The following AGBL4 variants were observed in gnomAD, a reference collection of about 807,000 sequenced individuals.
AGBL4 encodes cytosolic carboxypeptidase 6.
AGBL4 carries 58 observed loss-of-function variants against 66.4 expected under a neutral mutation model. The observed-to-expected ratio is 0.87, with a 90% CI of 0.71 to 1.09. AGBL4 has a LOEUF of 1.09. Ranked by LOEUF, AGBL4 falls within the 50% of genes least tolerant of loss-of-function variation. AGBL4 has a pLI of 0.00. For missense variants in AGBL4, 579 were observed against 631.0 expected, an observed-to-expected ratio of 0.92 and a Z score of 0.88; for synonymous variants, 234 against 222.9, an observed-to-expected ratio of 1.05 and a Z score of -0.44.
At chr1:48,644,435 T>C in intron 8 of AGBL4, among the ~76,000 whole-genome samples, 1 of 152,196 alleles carries the variant, frequency 6.6e-6, no homozygotes, top group Non-Finnish European at 1.5e-5. Flanking sequence ...ATCTCTTCTC[T>C]GGACTGTGAA....
rs545223897 is a variant in AGBL4 at position 48,945,478 on chromosome 1, C to CT, written c.595-78249dup. ...ACACCTGGGGTAGACATGCAGACCC[C>CT]TTCATTAGACCTAAAGCATGCTATG... On this transcript the variant is annotated intron_variant, in intron 5 of 13. Coordinates refer to ENST00000371839, the MANE Select transcript of AGBL4 (RefSeq NM_032785.4). Among the ~76,000 whole-genome samples the CT allele has an allele frequency of 2.2e-4, 34 of 152,256 alleles. No homozygotes were observed. In the East Asian group the frequency reaches 4.1e-3, roughly 18 times the overall value.
chr1:49,844,667 A>T, intron 2 of AGBL4: 1 of 1,578,276 alleles, frequency 6.3e-7, no homozygotes, highest in Non-Finnish European at 8.6e-7. Context: ...ATTAAGGGAC[A>T]TTTCCAGTTT....
chr1:49,048,104 T>A (rs2147880453), intron 4 of AGBL4, among the ~76,000 whole-genome samples: 1 of 152,198 alleles, frequency 6.6e-6, no homozygotes, highest in South Asian at 2.1e-4. Context: ...CAGCCAAAGG[T>A]CTGTGATAGT....
chr1:48,941,175 A>G (rs1655939033), intron 5 of AGBL4, among the ~76,000 whole-genome samples: 1 of 152,196 alleles, frequency 6.6e-6, no homozygotes, highest in Non-Finnish European at 1.5e-5. Flanking sequence ...TGAATATCAG[A>G]TACTCTGGCA....
chr1:49,500,430 G>T (rs1249861463), intron 3 of AGBL4, among the ~76,000 whole-genome samples: 1 of 149,664 alleles, frequency 6.7e-6, no homozygotes. Flanking sequence ...TTTGCTTTTG[G>T]GTTTTTGTTC....
chr1:48,647,472 C>G (rs897210203), intron 8 of AGBL4: 1 of 273,126 alleles, frequency 3.7e-6, no homozygotes, highest in East Asian at 9.6e-5. Flanking sequence ...TCATTAAATA[C>G]CAGTTATTCT....
chr1:49,487,674 C>T (rs190891592), intron 3 of AGBL4, among the ~76,000 whole-genome samples: 4 of 152,070 alleles, frequency 2.6e-5, no homozygotes, highest in Admixed American at 2.6e-4. Flanking sequence ...TAAACCTCTT[C>T]CCTTTATAAA....
At chr1:48,715,431 G>C (rs1647033648) in intron 6 of AGBL4, among the ~76,000 whole-genome samples, 1 of 152,176 alleles carries the variant, frequency 6.6e-6, no homozygotes, top group African/African-American at 2.4e-5. Flanking sequence ...GCCAGGCCCT[G>C]TGCTATGCGT....
intron 5 of AGBL4, among the ~76,000 whole-genome samples, chr1:49,031,791 G>A (rs775892272): frequency 3.9e-5 from 6 of 152,168 alleles, no homozygotes; most frequent in African/African-American, 9.6e-5. Flanking sequence ...CAATCCTTAC[G>A]CATAGAGCAG....
At chr1:49,594,682 C>A (rs1373317778) in intron 3 of AGBL4, among the ~76,000 whole-genome samples, 2 of 152,196 alleles carry the variant, frequency 1.3e-5, no homozygotes, top group Non-Finnish European at 2.9e-5. Flanking sequence ...CATGTTCCTG[C>A]AAAGGACATG....
chr1:49,146,442 C>G (rs965565961), intron 4 of AGBL4, among the ~76,000 whole-genome samples: 1 of 151,950 alleles, frequency 6.6e-6, no homozygotes, highest in Non-Finnish European at 1.5e-5. Flanking sequence ...AAAAAGGTAT[C>G]TAGCATTGTG....
At chr1:50,001,431 G>A (rs1216994013) in intron 1 of AGBL4, among the ~76,000 whole-genome samples, 3 of 151,068 alleles carry the variant, frequency 2.0e-5, no homozygotes, top group African/African-American at 7.3e-5. Flanking sequence ...GTGTGTGTGT[G>A]TGTGTGTGTG....
intron 2 of AGBL4, among the ~76,000 whole-genome samples, chr1:49,827,010 A>G (rs1394218092): frequency 6.6e-6 from 1 of 152,188 alleles, no homozygotes; most frequent in African/African-American, 2.4e-5. Context: ...AGAGAGTATC[A>G]TAATTAACGT....
At chr1:49,906,310 A>G (rs976072125) in intron 1 of AGBL4, among the ~76,000 whole-genome samples, 5 of 152,138 alleles carry the variant, frequency 3.3e-5, no homozygotes, top group African/African-American at 1.2e-4. Flanking sequence ...AAAAATAGAC[A>G]TATCAGTAAA....
intron 1 of AGBL4, among the ~76,000 whole-genome samples, chr1:49,903,921 T>C (rs1650019057): frequency 6.6e-6 from 1 of 152,134 alleles, no homozygotes; most frequent in Non-Finnish European, 1.5e-5. Context: ...GTGTGCAATA[T>C]ACTTCTAGAA....
intron 2 of AGBL4, among the ~76,000 whole-genome samples, chr1:49,818,717 A>G (rs1645292470): frequency 6.6e-6 from 1 of 152,204 alleles, no homozygotes; most frequent in Non-Finnish European, 1.5e-5. Context: ...TGTGTGATAT[A>G]CATATAAATC....
At chr1:48,873,782 G>C (rs1648931544) in intron 5 of AGBL4, among the ~76,000 whole-genome samples, 1 of 152,036 alleles carries the variant, frequency 6.6e-6, no homozygotes, top group Admixed American at 6.6e-5. Context: ...CTCTATTTCT[G>C]TCTTGGGGAC....
chr1:49,632,717 T>C (rs2124364239), intron 3 of AGBL4, among the ~76,000 whole-genome samples: 1 of 152,292 alleles, frequency 6.6e-6, no homozygotes, highest in East Asian at 1.9e-4. Flanking sequence ...AAACACAGAA[T>C]TGCCTTTGTC....
rs1645635643 is a variant in AGBL4, at chr1:49,634,602, T to TCCAGCAAATG, written c.282+62710_282+62711insCATTTGCTGG. On this transcript the variant is annotated intron_variant, in intron 3 of 13. Coordinates refer to ENST00000371839, the MANE Select transcript of AGBL4 (RefSeq NM_032785.4). ...CCAGTAATGGGATTGCTGGGTCAAATGGTATTTCTGGTTCTAGATCCTTGA... is the reference window on the plus strand; with the variant it reads ...CCAGTAATGGGATTGCTGGGTCAAATCCAGCAAATGGGTATTTCTGGTTCTAGATCCTTGA... Among the ~76,000 whole-genome samples, 3 of 152,268 alleles carry TCCAGCAAATG rather than the reference T, an allele frequency of 2.0e-5. No homozygotes were observed. The East Asian group carries it at 5.8e-4, about 29-fold the overall frequency.
Sources: allele counts gnomAD v4.1 joint callset (sites outside exome capture counted in the v4.1 genomes callset), GRCh38; gene constraint gnomAD v4.1.1; transcripts MANE v1.5; gene names NCBI Gene and HGNC (gene_info 2026-07-23, HGNC 2026-07-21).